MERTK: variants seen among roughly 807,000 people sequenced by gnomAD.
MERTK encodes the protein MER proto-oncogene, tyrosine kinase.
Under a neutral mutation model 99.3 loss-of-function variants are expected in MERTK, and 69 were observed. The ratio of observed to expected loss-of-function variants is 0.70; its 90% CI spans 0.57 to 0.85. MERTK has a LOEUF of 0.85. Ranked by LOEUF, MERTK falls within the 40% of genes least tolerant of loss-of-function variation. The probability of loss-of-function intolerance (pLI) is 0.00; values close to 1 mark genes in which losing one functional copy is unlikely to be tolerated. For missense variants in MERTK, 1,125 were observed against 1,249.4 expected (o/e 0.90, Z 1.50); for synonymous variants, 426 against 467.6 (o/e 0.91, Z 1.15).
intron 6 of MERTK, among the ~76,000 whole-genome samples, chr2:111,973,721 G>T (rs1676171076): frequency 6.6e-6 from 1 of 151,948 alleles, no homozygotes. Flanking sequence ...CAGAAATTTT[G>T]AAAAAGCATG....
intron 6 of MERTK, among the ~76,000 whole-genome samples, chr2:111,972,850 A>G (rs1676151661): frequency 6.6e-6 from 1 of 152,224 alleles, no homozygotes; most frequent in South Asian, 2.1e-4. Context: ...GTTAATCAGC[A>G]CAAGCTCTAA....
At chr2:111,963,525 G>A (rs1249505213) in intron 4 of MERTK, among the ~76,000 whole-genome samples, 3 of 152,206 alleles carry the variant, frequency 2.0e-5, no homozygotes, top group African/African-American at 4.8e-5. Context: ...CGCAGTGTTT[G>A]TGTCCCTGGG....
chr2:111,905,086 A>G (rs1297636812), intron 1 of MERTK, among the ~76,000 whole-genome samples: 1 of 152,222 alleles, frequency 6.6e-6, no homozygotes, highest in Admixed American at 6.5e-5. Flanking sequence ...TTGGAGAACA[A>G]GGATACTAAG....
intron 6 of MERTK, among the ~76,000 whole-genome samples, chr2:111,971,242 C>T (rs1676113858): frequency 6.6e-6 from 1 of 151,886 alleles, no homozygotes; most frequent in South Asian, 2.1e-4. Context: ...ATCTGTCAAT[C>T]TTATTTATCT....
chr2:111,977,731 T>C (rs1676282860), intron 7 of MERTK, among the ~76,000 whole-genome samples: 1 of 152,288 alleles, frequency 6.6e-6, no homozygotes, highest in Non-Finnish European at 1.5e-5. Context: ...TGATGATCTG[T>C]TATTATTTTC....
intron 8 of MERTK, 83 bp from the exon 9 acceptor site, chr2:111,994,168 T>G (rs912868697): frequency 6.5e-7 from 1 of 1,532,348 alleles, no homozygotes; most frequent in Admixed American, 1.7e-5. Context: ...GCGGGATGGC[T>G]TCCCTCAGAA....
chr2:111,964,368 C>CGTGTGT (rs200168355), intron 4 of MERTK, among the ~76,000 whole-genome samples: 7,352 of 141,118 alleles, frequency 0.052, 210 homozygotes, highest in Admixed American at 0.091. Context: ...ATCATTGTCT[C>CGTGTGT]GTGTGTGTGT....
intron 4 of MERTK, among the ~76,000 whole-genome samples, chr2:111,960,549 T>C (rs1272047695): frequency 1.3e-5 from 2 of 148,716 alleles, no homozygotes; most frequent in Non-Finnish European, 3.0e-5. Context: ...GCTCTTCCAA[T>C]AAAGTTGTAC....
At chr2:111,928,995 G>C in intron 1 of MERTK, 125 bp from the exon 2 acceptor site, 1 of 922,676 alleles carries the variant, frequency 1.1e-6, no homozygotes, top group Non-Finnish European at 1.7e-6. Context: ...AATGAATTCT[G>C]CTTATCTTTT....
rs148690514 is a variant in MERTK at position 111,945,029 on chromosome 2, C to G, written c.552C>G (p.Ile184Met). ...ICKMKINNEE[I>M]VSDPIYIEVQ... ...AGATGAAAATAAACAATGAAGAGAT[C>G]GTGTCTGATCCCATCTACATCGAAG... is the stretch of plus-strand genomic sequence containing the variant. The change falls in exon 3 of 19, where the codon ATC becomes ATG. Residue 184 changes from isoleucine (I) to methionine (M), a missense_variant. By Grantham distance (10) the Ile-to-Met change is conservative. Transcript: ENST00000295408. The G allele has an allele frequency of 1.2e-6, 2 of 1,613,290 alleles. No individual in the cohort carries two copies. Among genetic ancestry groups the G allele is most frequent in the South Asian group, 1.1e-5 (1 of 91,046 alleles).
At chr2:112,015,195 C>T (rs986917402) in intron 15 of MERTK, among the ~76,000 whole-genome samples, 2 of 152,084 alleles carry the variant, frequency 1.3e-5, no homozygotes, top group Non-Finnish European at 2.9e-5. Flanking sequence ...AGTAAATGCC[C>T]AAGAGTAGGA....
In MERTK at chr2:112,028,408, A is replaced by G; in HGVS notation, c.2544A>G (p.Ser848=). The G allele has an allele frequency of 6.2e-7, 1 of 1,614,118 alleles. No homozygotes were observed. The highest frequency in any genetic ancestry group is 8.5e-7 in the Non-Finnish European group (1 of 1,180,018). Residue 848 remains serine (S), a synonymous_variant, in exon 19 of 19, where the codon TCA becomes TCG. Coordinates refer to ENST00000295408, the MANE Select transcript of MERTK (RefSeq NM_006343.3). ...ATCCCTTAGACCGCCCCACCTTTTC[A>G]GTATTGAGGCTGCAGCTAGAAAAAC... ...RTDPLDRPTF[S]VLRLQLEKLL... is the part of the protein sequence containing the mutation.
chr2:111,960,480 CAAAAAAAAAAA>C (rs61179378), intron 4 of MERTK, among the ~76,000 whole-genome samples: 12 of 75,926 alleles, frequency 1.6e-4, no homozygotes, highest in African/African-American at 5.8e-4. Context: ...GTCTCAGTCT[CAAAAAAAAAAA>C]AAAAAAAAAA....
At chr2:111,984,702 T>C (rs1180381114) in intron 8 of MERTK, among the ~76,000 whole-genome samples, 1 of 152,184 alleles carries the variant, frequency 6.6e-6, no homozygotes, top group African/African-American at 2.4e-5. Flanking sequence ...GATGATGACC[T>C]AGATGATTCT....
At chr2:111,907,369 G>A (rs1684156340) in intron 1 of MERTK, among the ~76,000 whole-genome samples, 1 of 152,186 alleles carries the variant, frequency 6.6e-6, no homozygotes, top group Non-Finnish European at 1.5e-5. Flanking sequence ...AGCCGAGATT[G>A]TGCCACTGCA....
At chr2:112,025,575 G>A (rs1677445822) in intron 18 of MERTK, among the ~76,000 whole-genome samples, 1 of 152,142 alleles carries the variant, frequency 6.6e-6, no homozygotes. Context: ...ATCTGGAGAA[G>A]GGACAAGGTG....
chr2:112,007,169 C>A (rs1216082175), intron 13 of MERTK, among the ~76,000 whole-genome samples: 2 of 151,972 alleles, frequency 1.3e-5, no homozygotes, highest in African/African-American at 4.8e-5. Context: ...TTCTTTTTTT[C>A]TTTGAGACGG....
chr2:111,910,610 G>GTGTATA (rs370882764), intron 1 of MERTK, among the ~76,000 whole-genome samples: 1 of 143,662 alleles, frequency 7.0e-6, no homozygotes, highest in Non-Finnish European at 1.5e-5. Context: ...GTGTGTGTGT[G>GTGTATA]TATATATATA....
At chr2:112,027,113 T>C (rs1677478710) in intron 18 of MERTK, among the ~76,000 whole-genome samples, 1 of 151,870 alleles carries the variant, frequency 6.6e-6, no homozygotes, top group Non-Finnish European at 1.5e-5. Context: ...CTGGGCAAAA[T>C]AGCAAGACTT....
Sources: gnomAD v4.1 joint callset for allele counts (sites outside exome capture counted in the v4.1 genomes callset) on GRCh38, gnomAD v4.1.1 for gene constraint, MANE v1.5 for transcripts, NCBI Gene and HGNC (gene_info 2026-07-23, HGNC 2026-07-21) for gene names.